The following ZPBP variants were observed in gnomAD, a reference collection of about 807,000 sequenced individuals.
The protein encoded by ZPBP is zona pellucida-binding protein 1.
A neutral mutation model predicts 44.8 loss-of-function variants in ZPBP; 26 were observed. The ratio of observed to expected loss-of-function variants is 0.58; its 90% confidence interval spans 0.43 to 0.81. The LOEUF (loss-of-function observed/expected upper bound fraction) is 0.81. Among genes scored for constraint, ZPBP ranks in the 30% least tolerant of loss-of-function variants. The probability of loss-of-function intolerance (pLI) is 0.00; values close to 1 mark genes in which losing one functional copy is unlikely to be tolerated. For synonymous variants in ZPBP, 174 were observed against 153.2 expected (o/e 1.14, Z -1.00); for missense variants, 409 against 434.0 (o/e 0.94, Z 0.51).
At chr7:50,014,361 G>A (rs185152910) in intron 6 of ZPBP, among the ~76,000 whole-genome samples, 1 of 151,782 alleles carries the variant, frequency 6.6e-6, no homozygotes, top group African/African-American at 2.4e-5. Flanking sequence ...AATGAAGAAA[G>A]TATGGCACTA....
At chr7:49,851,987 T>C (rs1666866011) in intron 2 of ZPBP, among the ~76,000 whole-genome samples, 1 of 152,206 alleles carries the variant, frequency 6.6e-6, no homozygotes, top group Admixed American at 6.5e-5. Flanking sequence ...GAAGATGGCA[T>C]CCTCATCCCC....
chr7:50,011,869 G>A (rs1437434312), intron 6 of ZPBP, among the ~76,000 whole-genome samples: 2 of 151,888 alleles, frequency 1.3e-5, no homozygotes. Flanking sequence ...GACCAACGTG[G>A]TAAAACCCCG....
At chr7:49,905,742 T>C (rs1341722983) in intron 1 of ZPBP, among the ~76,000 whole-genome samples, 2 of 151,928 alleles carry the variant, frequency 1.3e-5, no homozygotes, top group Non-Finnish European at 2.9e-5. Context: ...GTTAAGGCAT[T>C]CTAAGTCACG....
intron 1 of ZPBP, 151 bp downstream of exon 1, chr7:50,092,917 T>A: frequency 8.2e-7 from 1 of 1,224,068 alleles, no homozygotes; most frequent in East Asian, 2.8e-5. Context: ...TTTGTACGAC[T>A]TCCATAAAAA....
At chr7:49,933,667 G>A (rs1347583639), downstream of ZPBP, among the ~76,000 whole-genome samples, 2 of 152,106 alleles carry the variant, frequency 1.3e-5, no homozygotes, top group African/African-American at 2.4e-5. Context: ...GTCCAACAAT[G>A]ATAGACTGGA....
chr7:49,848,583 A>G (rs990611931), downstream of ZPBP, among the ~76,000 whole-genome samples: 1 of 152,216 alleles, frequency 6.6e-6, no homozygotes, highest in African/African-American at 2.4e-5. Context: ...GCTCCTCTCT[A>G]GCTGCTCTCA....
intron 2 of ZPBP, among the ~76,000 whole-genome samples, chr7:49,870,081 G>C (rs1294831839): frequency 1.3e-5 from 2 of 152,100 alleles, no homozygotes; most frequent in Non-Finnish European, 2.9e-5. Context: ...AGTACTGATT[G>C]GGAAGGGACA....
chr7:50,067,829 C>G (rs973289517), intron 3 of ZPBP, among the ~76,000 whole-genome samples: 1 of 152,132 alleles, frequency 6.6e-6, no homozygotes, highest in African/African-American at 2.4e-5. Context: ...AATCTAATTG[C>G]CTGGATAAGT....
At chr7:49,998,151 C>G (rs943280440) in intron 6 of ZPBP, among the ~76,000 whole-genome samples, 1 of 152,106 alleles carries the variant, frequency 6.6e-6, no homozygotes, top group Non-Finnish European at 1.5e-5. Context: ...CTCCTGACTT[C>G]GTGATCCACC....
At chr7:49,946,277 GT>G (rs996773121) in intron 7 of ZPBP, among the ~76,000 whole-genome samples, 2 of 151,884 alleles carry the variant, frequency 1.3e-5, no homozygotes, top group South Asian at 2.1e-4. Flanking sequence ...AATATTCTGT[GT>G]TTTTTTGTGT....
intron 7 of ZPBP, among the ~76,000 whole-genome samples, chr7:49,976,524 G>A (rs897776760): frequency 6.6e-6 from 1 of 152,064 alleles, no homozygotes; most frequent in East Asian, 1.9e-4. Context: ...TTCTATCCAT[G>A]ATAGAAAGGA....
intron 6 of ZPBP, among the ~76,000 whole-genome samples, chr7:50,016,626 TA>T (rs1798834341): frequency 6.6e-6 from 1 of 152,178 alleles, no homozygotes; most frequent in Non-Finnish European, 1.5e-5. Context: ...GGGAAAATAA[TA>T]AAATGGGTCA....
intron 3 of ZPBP, among the ~76,000 whole-genome samples, chr7:50,078,120 T>A (rs1401957433): frequency 2.0e-5 from 3 of 151,770 alleles, no homozygotes; most frequent in Admixed American, 1.3e-4. Flanking sequence ...ATCATTATGT[T>A]AAGCGAAATA....
downstream of ZPBP, among the ~76,000 whole-genome samples, chr7:49,933,946 A>T (rs6978603): frequency 0.75 from 105,535 of 141,578 alleles, 39,787 homozygotes; most frequent in East Asian, 0.88. Context: ...AGATATACCT[A>T]ATATTAAATG....
chr7:50,005,327 T>G (rs1798258274), intron 6 of ZPBP, among the ~76,000 whole-genome samples: 1 of 151,980 alleles, frequency 6.6e-6, no homozygotes, highest in Admixed American at 6.6e-5. Context: ...TATAAAGTAA[T>G]TCTGTAAACA....
intron 6 of ZPBP, among the ~76,000 whole-genome samples, chr7:49,997,765 C>T (rs1797914613): frequency 6.6e-6 from 1 of 152,202 alleles, no homozygotes; most frequent in African/African-American, 2.4e-5. Flanking sequence ...CCACTTTTCA[C>T]TGTGGTTAGA....
chr7:50,040,902 C>T (rs1000790256), intron 4 of ZPBP, among the ~76,000 whole-genome samples: 17 of 152,308 alleles, frequency 1.1e-4, no homozygotes, highest in African/African-American at 4.1e-4. Context: ...AGCTAAGATC[C>T]ACTGGCTTGA....
chr7:50,019,282 A>G (rs1240661397), intron 5 of ZPBP, among the ~76,000 whole-genome samples: 1 of 151,910 alleles, frequency 6.6e-6, no homozygotes, highest in Non-Finnish European at 1.5e-5. Context: ...TCGCTATTCT[A>G]CTCCAAATAT....
At chr7:49,946,667 T>C (rs1269893158) in intron 7 of ZPBP, among the ~76,000 whole-genome samples, 1 of 152,164 alleles carries the variant, frequency 6.6e-6, no homozygotes, top group Non-Finnish European at 1.5e-5. Context: ...TTAAATGTCT[T>C]GAGGTAGTCT....
Sources: allele counts gnomAD v4.1 joint callset (sites outside exome capture counted in the v4.1 genomes callset), GRCh38; gene constraint gnomAD v4.1.1; transcripts MANE v1.5; gene names NCBI Gene and HGNC (gene_info 2026-07-23, HGNC 2026-07-21).